MED28: variants seen among roughly 807,000 people sequenced by gnomAD.
MED28 encodes mediator complex subunit 28.
Under a neutral mutation model 21.3 loss-of-function variants are expected in MED28, and 26 were observed. The observed-to-expected ratio is 1.22, with a 90% CI of 0.89 to 1.69. The LOEUF (loss-of-function observed/expected upper bound fraction) is 1.69. MED28 is among the 40% of genes most tolerant of loss of function. The pLI is 0.00. For missense variants in MED28, 257 were observed against 215.4 expected, an observed-to-expected ratio of 1.19 and a Z score of -1.21; for synonymous variants, 110 against 87.6, an observed-to-expected ratio of 1.26 and a Z score of -1.43.
At position 17,625,219 on chromosome 4, in the gene MED28, C is replaced by G. The variant is rs1168290394; in HGVS notation, c.*1421C>G. The G allele has an allele frequency of 1.3e-5, 2 of 153,548 alleles. No individual in the cohort carries two copies. Among genetic ancestry groups the G allele is most frequent in the Non-Finnish European group, 2.9e-5 (2 of 69,102 alleles). 9.5% of individuals were successfully genotyped at this position (153,548 alleles called of 1,614,324 possible). A position where few individuals can be genotyped will look rare whatever the true frequency, so the allele number is the denominator to read the frequency against. ...TCTCTGCCCCTCACTAATTCTACAC[C>G]CATGAGAATTAGACATTATTCTCCT... On this transcript the variant is annotated 3_prime_UTR_variant, in exon 4 of 4. Coordinates refer to ENST00000237380, the MANE Select transcript of MED28 (RefSeq NM_025205.5).
At position 17,632,790 on chromosome 4, in the gene MED28, G is replaced by T. The variant is rs1714999548; in HGVS notation, c.*8992G>T. On this transcript the variant is annotated 3_prime_UTR_variant, in exon 4 of 4. Transcript: ENST00000237380. The stretch of plus-strand genomic sequence containing the variant: ...TGGGAAACAAATTGTAAAGGATGGG[G>T]CTGGGGAGGGAGTACCTAATCCTCA... 7.3e-6 allele frequency: 4 copies of T among 546,152 alleles called. No homozygotes were observed. The highest frequency in any genetic ancestry group is 4.3e-5 in the South Asian group (2 of 46,482). The allele number at this position is 546,152 out of a possible 1,614,324, so 33.8% of individuals were successfully genotyped here.
At chr4:17,614,901 C>G (rs1714402416) in intron 1 of MED28, 88 bp downstream of exon 1, 1 of 1,420,310 alleles carries the variant, frequency 7.0e-7, no homozygotes, top group Non-Finnish European at 9.5e-7. Flanking sequence ...TCCAGGGATC[C>G]GAGCAACTAA....
chr4:17,622,723 T>G (rs1714670537), intron 3 of MED28, among the ~76,000 whole-genome samples: 1 of 152,150 alleles, frequency 6.6e-6, no homozygotes. Context: ...CATAAAGACA[T>G]ATCTGAGACT....
intron 3 of MED28, among the ~76,000 whole-genome samples, 181 bp from the exon 4 acceptor site, chr4:17,623,420 A>G (rs1338312052): frequency 1.4e-5 from 2 of 145,654 alleles, no homozygotes; most frequent in Non-Finnish European, 3.0e-5. Context: ...AAAAAAGCCC[A>G]TAAAAACTTA....
At position 17,633,781 on chromosome 4, in the gene MED28, A is replaced by C. The variant is rs2108924927; in HGVS notation, c.*9983A>C. On this transcript the variant is annotated 3_prime_UTR_variant, in exon 4 of 4. Coordinates refer to ENST00000237380, the MANE Select transcript of MED28 (RefSeq NM_025205.5). ...CCAAGCTGGGTGATGTAGTTATTGG[A>C]GGGGCATTAATCCTGGAACTCAGAT... 1.9e-6 allele frequency: 3 copies of C among 1,551,538 alleles called. No individual in the cohort carries two copies. The South Asian group carries it at 3.6e-5, about 18-fold the overall frequency.
Position 17,626,636 on chromosome 4 carries a change from A to C in MED28, c.*2838A>C, listed in dbSNP as rs1299912780. ...CCAAGATGCAGATTGCCTGTGGGCT[A>C]TCTCTCTCCACAGATAAACCTACTC... On this transcript the variant is annotated 3_prime_UTR_variant, in exon 4 of 4. Coordinates refer to ENST00000237380, the MANE Select transcript of MED28 (RefSeq NM_025205.5). 2 of 152,104 alleles carry C rather than the reference A, an allele frequency of 1.3e-5. No homozygotes were observed. The highest frequency in any genetic ancestry group is 6.5e-5 in the Admixed American group (1 of 15,280). The allele number at this position is 152,104 out of a possible 1,614,324, so 9.4% of individuals were successfully genotyped here.
rs1553825995 is a variant in MED28 at position 17,628,282 on chromosome 4, G to GTGTGTGTGTGTGTGTGTGTGTGTA, written c.*4493_*4494insGTGTGTGTGTGTGTATGTGTGTGT. ...TGTGTGTGTGTGTGTGTGTGTGTGTGTGTGTGTGTATGTGTATATGCGTAT... is the reference window on the plus strand; with the variant it reads ...TGTGTGTGTGTGTGTGTGTGTGTGTGTGTGTGTGTGTGTGTGTGTGTGTATGTGTGTGTATGTGTATATGCGTAT... On this transcript the variant is annotated 3_prime_UTR_variant, in exon 4 of 4. Transcript: ENST00000237380. 2.7e-5 allele frequency: 4 copies of GTGTGTGTGTGTGTGTGTGTGTGTA among 148,620 alleles called. No individual in the cohort carries two copies. Among genetic ancestry groups the GTGTGTGTGTGTGTGTGTGTGTGTA allele is most frequent in the African/African-American group, 1.0e-4 (4 of 38,980 alleles). 9.2% of individuals were successfully genotyped at this position (148,620 alleles called of 1,614,324 possible).
intron 1 of MED28, among the ~76,000 whole-genome samples, chr4:17,618,572 A>G (rs1023020091): frequency 6.6e-6 from 1 of 152,184 alleles, no homozygotes; most frequent in Non-Finnish European, 1.5e-5. Flanking sequence ...GCTGGAGTGC[A>G]GTGGTGCAGT....
At chr4:17,618,341 A>G (rs1208484605) in intron 1 of MED28, among the ~76,000 whole-genome samples, 1 of 151,952 alleles carries the variant, frequency 6.6e-6, no homozygotes. Context: ...GAGGGCAGTA[A>G]AATTCTTGAG....
In MED28 at chr4:17,621,649, C is replaced by T. The variant is rs1714639817; in HGVS notation, c.289C>T (p.Gln97Ter). 5 of 1,609,380 alleles carry T rather than the reference C, an allele frequency of 3.1e-6. No homozygotes were observed. The highest frequency in any genetic ancestry group is 4.2e-6 in the Non-Finnish European group (5 of 1,178,756). ...AAGACAGACAGAATGTTTTTTCTTA[C>T]AAAAAAGATTGCAGTTATCTGTCCA... Reference protein sequence around the residue: ...IARQTECFFLQKRLQLSVQKP... With the variant: ...IARQTECFFL The change falls in exon 3 of 4, where the codon CAA (glutamine) becomes TAA (stop). Residue 97 changes from glutamine (Q) to a stop codon, truncating the protein, a stop_gained. Coordinates refer to ENST00000237380, the MANE Select transcript of MED28 (RefSeq NM_025205.5). LOFTEE classifies it high-confidence loss of function.
At position 17,618,476 on chromosome 4, in the gene MED28, A is replaced by G. The variant is rs142576011; in HGVS notation, c.160-1425A>G. On this transcript the variant is annotated intron_variant, in intron 1 of 3. Coordinates refer to ENST00000237380, the MANE Select transcript of MED28 (RefSeq NM_025205.5). The stretch of plus-strand genomic sequence containing the variant: ...GTTTTCCAGTAGCCATAGGTCTCAC[A>G]AAGGAAGTACATCCTACCCACATCC... Among the ~76,000 whole-genome samples, 690 of 152,180 alleles carry G rather than the reference A, an allele frequency of 4.5e-3. 10 individuals are homozygous for G. Among genetic ancestry groups the G allele is most frequent in the African/African-American group, 0.015 (611 of 41,548 alleles).
rs948399550 is a variant in MED28 at position 17,623,606 on chromosome 4, G to T, written c.345G>T (p.Val115=). ...QKPEQVIKED[V]SELRNELQRK... is the part of the protein sequence containing the mutation. ...TCCATGACTTTCATCTGCAGGATGTGTCAGAACTAAGGAATGAATTACAGC... is the reference window on the plus strand; with the variant it reads ...TCCATGACTTTCATCTGCAGGATGTTTCAGAACTAAGGAATGAATTACAGC... Residue 115 remains valine, a synonymous_variant, in exon 4 of 4, where the codon GTG becomes GTT. Coordinates refer to ENST00000237380, the MANE Select transcript of MED28 (RefSeq NM_025205.5). The T allele has an allele frequency of 1.2e-6, 2 of 1,613,884 alleles. No individual in the cohort carries two copies. The highest frequency in any genetic ancestry group is 8.5e-7 in the Non-Finnish European group (1 of 1,179,958).
rs397880373 is a variant in MED28 at position 17,623,398 on chromosome 4, C to CAAA, written c.340-188_340-186dup. ...CCTAAGTGACAGCAAGACTTCGTCTCAAAAAAAAAAAAAAAAAGCCCATAA... is the reference window on the plus strand; with the variant it reads ...CCTAAGTGACAGCAAGACTTCGTCTCAAAAAAAAAAAAAAAAAAAAGCCCATAA... On this transcript the variant is annotated intron_variant, in intron 3 of 3. Transcript: ENST00000237380. 4.1e-3 allele frequency among the ~76,000 whole-genome samples: 462 copies of CAAA among 113,104 alleles called. 7 individuals carry two copies. The highest frequency in any genetic ancestry group is 0.013 in the African/African-American group (400 of 30,252). 74.2% of individuals were successfully genotyped at this position (113,104 alleles called of 152,430 possible).
rs1714825194 is a variant in MED28 at position 17,628,330 on chromosome 4, A to ATGCG, written c.*4533_*4534insGCGT. 4 of 150,376 alleles carry ATGCG rather than the reference A, an allele frequency of 2.7e-5. No individual in the cohort carries two copies. The highest frequency in any genetic ancestry group is 9.9e-5 in the African/African-American group (4 of 40,420). The allele number at this position is 150,376 out of a possible 1,614,324, so 9.3% of individuals were successfully genotyped here. A position where few individuals can be genotyped will look rare whatever the true frequency, so the allele number is the denominator to read the frequency against. On this transcript the variant is annotated 3_prime_UTR_variant, in exon 4 of 4. Transcript: ENST00000237380. ...TATATATGTGTATGTATGTGTGTAT[A>ATGCG]TATATATGTGTGTGTGTATATATAT...
intron 2 of MED28, 115 bp downstream of exon 2, chr4:17,620,082 A>G: frequency 1.1e-6 from 1 of 940,818 alleles, no homozygotes; most frequent in East Asian, 2.6e-5. Context: ...CATTTCAGGG[A>G]CTAAAATGTG....
chr4:17,629,630 T>C lies in MED28; in HGVS notation c.*5832T>C, dbSNP rs6449317. On this transcript the variant is annotated 3_prime_UTR_variant, in exon 4 of 4. Transcript: ENST00000237380. ...AATACAGCCTGAAGAGATTTACCATTAAATACTGTTTTTTTCTCTCTCTTA... is the reference window on the plus strand; with the variant it reads ...AATACAGCCTGAAGAGATTTACCATCAAATACTGTTTTTTTCTCTCTCTTA... 0.72 allele frequency: 108,992 copies of C among 152,126 alleles called. 39,912 individuals carry two copies. Among genetic ancestry groups the C allele is most frequent in the East Asian group, 0.93 (4,800 of 5,170 alleles). The allele number at this position is 152,126 out of a possible 1,614,324, so 9.4% of individuals were successfully genotyped here.
rs1427007350 is a variant in MED28 at position 17,626,655 on chromosome 4, CCTA to C, written c.*2860_*2862del. 1 of 152,102 alleles carries C rather than the reference CCTA, an allele frequency of 6.6e-6. No homozygotes were observed. The highest frequency in any genetic ancestry group is 6.6e-5 in the Admixed American group (1 of 15,258). The allele number at this position is 152,102 out of a possible 1,614,324, so 9.4% of individuals were successfully genotyped here. A position where few individuals can be genotyped will look rare whatever the true frequency, so the allele number is the denominator to read the frequency against. On this transcript the variant is annotated 3_prime_UTR_variant, in exon 4 of 4. Transcript: ENST00000237380. Reference sequence around the variant, plus strand: ...TGGGCTATCTCTCTCCACAGATAAACCTACTCACATCTTCAGGACAGCCTTTTT... The same window carrying C: ...TGGGCTATCTCTCTCCACAGATAAACCTCACATCTTCAGGACAGCCTTTTT...
Position 17,628,195 on chromosome 4 carries a change from C to CAGTT in MED28, c.*4398_*4401dup, listed in dbSNP as rs1191026979. 1 of 151,670 alleles carries CAGTT rather than the reference C, an allele frequency of 6.6e-6. No homozygotes were observed. Among genetic ancestry groups the CAGTT allele is most frequent in the African/African-American group, 2.4e-5 (1 of 41,226 alleles). 9.4% of individuals were successfully genotyped at this position (151,670 alleles called of 1,614,324 possible). The stretch of plus-strand genomic sequence containing the variant: ...AGCACGTACAAAGAAAATTCAAGGT[C>CAGTT]AGTTTACCACTCACAAAATACCAAA... On this transcript the variant is annotated 3_prime_UTR_variant, in exon 4 of 4. Coordinates refer to ENST00000237380, the MANE Select transcript of MED28 (RefSeq NM_025205.5).
chr4:17,623,770 A>G lies in MED28; in HGVS notation c.509A>G (p.Asn170Ser). The change falls in exon 4 of 4, where the codon AAC becomes AGC. Residue 170 changes from asparagine to serine, a missense_variant. Transcript: ENST00000237380. Reference sequence around the variant, plus strand: ...GCCTACCTGGAGCAGGCATCTGCCAACATCCCTGCACCTCTGAAGCCAACG... The same window carrying G: ...GCCTACCTGGAGCAGGCATCTGCCAGCATCCCTGCACCTCTGAAGCCAACG... Reference protein sequence around the residue: ...SLAYLEQASANIPAPLKPT With the variant: ...SLAYLEQASASIPAPLKPT 2.5e-6 allele frequency: 4 copies of G among 1,614,100 alleles called. No individual in the cohort carries two copies. Among genetic ancestry groups the G allele is most frequent in the Non-Finnish European group, 2.5e-6 (3 of 1,179,968 alleles).
Sources: allele counts gnomAD v4.1 joint callset (sites outside exome capture counted in the v4.1 genomes callset), GRCh38; gene constraint gnomAD v4.1.1; transcripts MANE v1.5; gene names NCBI Gene and HGNC (gene_info 2026-07-23, HGNC 2026-07-21).